The following MECOM variants were observed in gnomAD, a reference collection of about 807,000 sequenced individuals.
The protein encoded by MECOM is histone-lysine N-methyltransferase MECOM.
A neutral mutation model predicts 116.3 loss-of-function variants in MECOM; 13 were observed. The observed-to-expected ratio is 0.11, with a 90% CI of 0.07 to 0.18. MECOM has a LOEUF of 0.18. Among genes scored for constraint, MECOM ranks in the 10% least tolerant of loss-of-function variants. The probability of loss-of-function intolerance (pLI) is 1.00; values close to 1 mark genes in which losing one functional copy is unlikely to be tolerated. For missense variants in MECOM, 1,299 were observed against 1,509.0 expected (o/e 0.86, Z 2.31); for synonymous variants, 528 against 535.2 (o/e 0.99, Z 0.19).
In MECOM at chr3:169,375,213, AG is replaced by A. The variant is rs1730813271; in HGVS notation, c.375+5973del. Among the ~76,000 whole-genome samples the A allele has an allele frequency of 2.6e-5, 4 of 152,132 alleles. No individual in the cohort carries two copies. The East Asian group carries it at 7.7e-4, about 29-fold the overall frequency. ...ATTTGTAACACTAAATGCCCGCAGA[AG>A]AAAGTGGGAAAGATCTAAAATCAAC... On this transcript the variant is annotated intron_variant, in intron 2 of 16. Coordinates refer to ENST00000651503, the MANE Select transcript of MECOM (RefSeq NM_004991.4).
chr3:169,342,400 A>G (rs1724696688), intron 2 of MECOM, among the ~76,000 whole-genome samples: 1 of 152,016 alleles, frequency 6.6e-6, no homozygotes, highest in African/African-American at 2.4e-5. Flanking sequence ...GTATATCTAA[A>G]CTTAATCACT....
intron 2 of MECOM, among the ~76,000 whole-genome samples, chr3:169,347,838 A>G (rs546599745): frequency 6.6e-6 from 1 of 152,136 alleles, no homozygotes; most frequent in Non-Finnish European, 1.5e-5. Context: ...CGCCCAATAA[A>G]TACGTGTTGA....
intron 1 of MECOM, among the ~76,000 whole-genome samples, chr3:169,593,174 C>G (rs1199758213): frequency 6.6e-6 from 1 of 152,206 alleles, no homozygotes; most frequent in Non-Finnish European, 1.5e-5. Context: ...TACAGGCCTG[C>G]AAGACTGCAC....
At chr3:169,579,634 G>A (rs937763347) in intron 1 of MECOM, among the ~76,000 whole-genome samples, 3 of 152,206 alleles carry the variant, frequency 2.0e-5, no homozygotes, top group African/African-American at 7.2e-5. Context: ...CAAAGGGTAA[G>A]GCATTATAGT....
chr3:169,210,241 A>T (rs2149472295), intron 2 of MECOM, among the ~76,000 whole-genome samples: 1 of 152,254 alleles, frequency 6.6e-6, no homozygotes, highest in African/African-American at 2.4e-5. Context: ...TGTGGGGCTT[A>T]AAACCTAGAT....
intron 1 of MECOM, among the ~76,000 whole-genome samples, chr3:169,626,636 C>G (rs1357444495): frequency 6.6e-6 from 1 of 152,118 alleles, no homozygotes; most frequent in African/African-American, 2.4e-5. Context: ...GCAACAATTT[C>G]AAGTTTTAAA....
At chr3:169,149,901 A>C (rs1187367279) in intron 2 of MECOM, 1 of 322,026 alleles carries the variant, frequency 3.1e-6, no homozygotes, top group East Asian at 8.5e-5. Context: ...GGAAGCTAAC[A>C]AAACACTAAA....
chr3:169,383,820 G>C (rs934286000), intron 1 of MECOM, among the ~76,000 whole-genome samples: 2 of 152,050 alleles, frequency 1.3e-5, no homozygotes, highest in African/African-American at 4.8e-5. Context: ...TCCTCAAAGG[G>C]AACCCCCAAG....
chr3:169,267,326 C>G (rs921225626), intron 2 of MECOM, among the ~76,000 whole-genome samples: 12 of 152,166 alleles, frequency 7.9e-5, no homozygotes, highest in African/African-American at 2.9e-4. Flanking sequence ...TTGATTGAGA[C>G]CCGGTGTCTA....
chr3:169,114,993 C>G (rs1226038905), intron 8 of MECOM, among the ~76,000 whole-genome samples: 1 of 152,110 alleles, frequency 6.6e-6, no homozygotes, highest in African/African-American at 2.4e-5. Flanking sequence ...TAGATATCCC[C>G]CCCATTCCAA....
At chr3:169,362,989 G>A (rs528129630) in intron 2 of MECOM, among the ~76,000 whole-genome samples, 19 of 151,770 alleles carry the variant, frequency 1.3e-4, no homozygotes, top group African/African-American at 2.4e-4. Context: ...TGACATATTC[G>A]GAAGTTAATG....
At chr3:169,535,849 G>T (rs1229203075) in intron 1 of MECOM, among the ~76,000 whole-genome samples, 1 of 152,088 alleles carries the variant, frequency 6.6e-6, no homozygotes, top group East Asian at 1.9e-4. Context: ...GTGACTTTTG[G>T]GTTACTTAAC....
At chr3:169,106,456 G>C (rs942358270) in intron 10 of MECOM, among the ~76,000 whole-genome samples, 3 of 151,888 alleles carry the variant, frequency 2.0e-5, no homozygotes, top group African/African-American at 4.8e-5. Context: ...TCCACATAGA[G>C]GTTTTTTTAC....
At chr3:169,399,469 A>C (rs757822433) in intron 1 of MECOM, among the ~76,000 whole-genome samples, 1 of 152,218 alleles carries the variant, frequency 6.6e-6, no homozygotes, top group Non-Finnish European at 1.5e-5. Context: ...GAAGAAGTTA[A>C]AGTTGGAAAA....
intron 2 of MECOM, among the ~76,000 whole-genome samples, chr3:169,376,151 A>G (rs925438424): frequency 6.6e-6 from 1 of 152,178 alleles, no homozygotes; most frequent in Non-Finnish European, 1.5e-5. Flanking sequence ...AAAACTCTCA[A>G]TAAACTAGGT....
At chr3:169,248,760 G>C (rs1329792753) in intron 2 of MECOM, among the ~76,000 whole-genome samples, 1 of 152,126 alleles carries the variant, frequency 6.6e-6, no homozygotes, top group Non-Finnish European at 1.5e-5. Flanking sequence ...AGAGACACCA[G>C]AGGCATGCAT....
chr3:169,347,578 G>T (rs1350818952), intron 2 of MECOM, among the ~76,000 whole-genome samples: 1 of 151,692 alleles, frequency 6.6e-6, no homozygotes, highest in Non-Finnish European at 1.5e-5. Context: ...ACAAATAAAA[G>T]ACAAAAAATG....
chr3:169,545,774 C>T (rs1760653526), intron 1 of MECOM, among the ~76,000 whole-genome samples: 2 of 152,166 alleles, frequency 1.3e-5, no homozygotes. Flanking sequence ...AGGCACATCC[C>T]TTCCTCTTCC....
At chr3:169,372,098 C>T (rs1333111684) in intron 2 of MECOM, among the ~76,000 whole-genome samples, 2 of 151,944 alleles carry the variant, frequency 1.3e-5, no homozygotes, top group Non-Finnish European at 2.9e-5. Flanking sequence ...TATTCCTTTC[C>T]ACCTATTTAA....
Sources: gnomAD v4.1 joint callset for allele counts (sites outside exome capture counted in the v4.1 genomes callset) on GRCh38, gnomAD v4.1.1 for gene constraint, MANE v1.5 for transcripts, NCBI Gene and HGNC (gene_info 2026-07-23, HGNC 2026-07-21) for gene names.